PTPRG: variants seen among roughly 807,000 people sequenced by gnomAD.
PTPRG encodes receptor-type tyrosine-protein phosphatase gamma.
Under a neutral mutation model 165.3 loss-of-function variants are expected in PTPRG, and 102 were observed. The ratio of observed to expected loss-of-function variants is 0.62; its 90% CI spans 0.53 to 0.73. The LOEUF is 0.73. PTPRG is among the 30% of genes least tolerant of loss of function. PTPRG has a pLI of 0.00. For synonymous variants in PTPRG, 675 were observed against 669.5 expected (o/e 1.01, Z -0.13); for missense variants, 1,866 against 1,861.4 (o/e 1.00, Z -0.05).
rs183924104 is a variant in PTPRG, at chr3:62,232,910, T to C, written c.2375+1599T>C. ...AGACAGACTTTGGCTCAGGGAGATA[T>C]GTGTTCTAACTGCAGCTCTGCCACT... On this transcript the variant is annotated intron_variant, in intron 14 of 29. Transcript: ENST00000474889. 3.6e-3 allele frequency among the ~76,000 whole-genome samples: 548 copies of C among 152,342 alleles called. 4 individuals carry two copies. The highest frequency in any genetic ancestry group is 0.01 in the South Asian group (50 of 4,826).
intron 4 of PTPRG, among the ~76,000 whole-genome samples, chr3:62,012,025 C>T (rs2041435410): frequency 6.6e-6 from 1 of 152,152 alleles, no homozygotes; most frequent in Non-Finnish European, 1.5e-5. Context: ...CCCTCACAAC[C>T]ATATAGAAGG....
chr3:61,836,337 A>G (rs2036461464), intron 2 of PTPRG, among the ~76,000 whole-genome samples: 1 of 152,110 alleles, frequency 6.6e-6, no homozygotes, highest in Non-Finnish European at 1.5e-5. Context: ...CTGAGTGTGT[A>G]GTACATAGTA....
intron 1 of PTPRG, among the ~76,000 whole-genome samples, chr3:61,703,356 A>C (rs1456562424): frequency 2.6e-5 from 4 of 152,236 alleles, no homozygotes; most frequent in African/African-American, 9.6e-5. Context: ...TTGTAAAGAA[A>C]TCAGTTACAG....
At chr3:61,800,805 A>G (rs542544701) in intron 2 of PTPRG, among the ~76,000 whole-genome samples, 1 of 151,726 alleles carries the variant, frequency 6.6e-6, no homozygotes, top group Admixed American at 6.6e-5. Flanking sequence ...CACCACGCCC[A>G]GCTAATTTTT....
rs71629138 is a variant in PTPRG at position 61,676,456 on chromosome 3, C to CAAAA, written c.86-72407_86-72404dup. Among the ~76,000 whole-genome samples, 26 of 21,872 alleles carry CAAAA rather than the reference C, an allele frequency of 1.2e-3. 4 individuals are homozygous for CAAAA. The highest frequency in any genetic ancestry group is 3.6e-3 in the South Asian group (2 of 552). The allele number at this position is 21,872 out of a possible 152,430, so 14.3% of individuals were successfully genotyped here. ...TGGGCGACAGAGCCAGACTCCATCT[C>CAAAA]AAAAAAAAAAAAAAAAAAGAAAATT... On this transcript the variant is annotated intron_variant, in intron 1 of 29. Coordinates refer to ENST00000474889, the MANE Select transcript of PTPRG (RefSeq NM_002841.4).
chr3:61,570,166 G>A (rs1700023600), intron 1 of PTPRG, among the ~76,000 whole-genome samples: 1 of 152,094 alleles, frequency 6.6e-6, no homozygotes, highest in South Asian at 2.1e-4. Flanking sequence ...TGAACACATT[G>A]ATGTCCTGTC....
chr3:61,857,259 A>C (rs2037135206), intron 2 of PTPRG, among the ~76,000 whole-genome samples: 2 of 152,300 alleles, frequency 1.3e-5, no homozygotes, highest in African/African-American at 4.8e-5. Flanking sequence ...TGACTTGCTC[A>C]AGTTCATACA....
chr3:61,904,007 A>G (rs553810042), intron 2 of PTPRG, among the ~76,000 whole-genome samples: 163 of 152,294 alleles, frequency 1.1e-3, no homozygotes, highest in Non-Finnish European at 2.0e-3. Context: ...ATTGGCAGGA[A>G]GAGATGCTTC....
chr3:61,887,170 A>ATATATATATT lies in PTPRG; in HGVS notation c.191-102454_191-102453insATATATATTT, dbSNP rs60282456. On this transcript the variant is annotated intron_variant, in intron 2 of 29. Transcript: ENST00000474889. ...TATATATATATATATATATATATATATTTTTAATGCCATCATCAAACACTC... is the reference window on the plus strand; with the variant it reads ...TATATATATATATATATATATATATATATATATATTTTTTTAATGCCATCATCAAACACTC... Among the ~76,000 whole-genome samples, 9 of 115,528 alleles carry ATATATATATT rather than the reference A, an allele frequency of 7.8e-5. No homozygotes were observed. In the East Asian group the frequency reaches 9.9e-4, roughly 13 times the overall value. 75.8% of individuals were successfully genotyped at this position (115,528 alleles called of 152,430 possible).
chr3:61,974,646 A>T (rs981077282), intron 2 of PTPRG, among the ~76,000 whole-genome samples: 1 of 152,146 alleles, frequency 6.6e-6, no homozygotes, highest in Non-Finnish European at 1.5e-5. Flanking sequence ...TTGCTTACTC[A>T]CTTAATTTCC....
At chr3:62,092,439 G>GGAAAAAAAAAAAAAAAAAA (rs369183881) in intron 5 of PTPRG, among the ~76,000 whole-genome samples, 2 of 89,430 alleles carry the variant, frequency 2.2e-5, no homozygotes, top group South Asian at 4.0e-4. Flanking sequence ...GAGTCCATCT[G>GGAAAAAAAAAAAAAAAAAA]AAAAAAAAAA....
intron 2 of PTPRG, among the ~76,000 whole-genome samples, chr3:61,760,315 A>G (rs1006114829): frequency 1.3e-5 from 2 of 152,220 alleles, no homozygotes; most frequent in African/African-American, 4.8e-5. Flanking sequence ...GTATAACCAT[A>G]CAGATTGTTT....
At chr3:61,868,305 A>G (rs747272836) in intron 2 of PTPRG, among the ~76,000 whole-genome samples, 2 of 152,166 alleles carry the variant, frequency 1.3e-5, no homozygotes, top group South Asian at 2.1e-4. Context: ...TCTGCTTACA[A>G]TCTTCTCACA....
intron 4 of PTPRG, among the ~76,000 whole-genome samples, chr3:62,052,692 C>T (rs1310614344): frequency 6.6e-6 from 1 of 151,362 alleles, no homozygotes; most frequent in East Asian, 1.9e-4. Flanking sequence ...GAACCTGTCT[C>T]TTAAAAAAAA....
intron 2 of PTPRG, among the ~76,000 whole-genome samples, chr3:61,980,238 C>G (rs2040609085): frequency 6.6e-6 from 1 of 152,138 alleles, no homozygotes; most frequent in Non-Finnish European, 1.5e-5. Flanking sequence ...CAGAATAGTG[C>G]GTGCTCACCT....
chr3:61,803,089 T>C (rs1172250805), intron 2 of PTPRG, among the ~76,000 whole-genome samples: 1 of 152,198 alleles, frequency 6.6e-6, no homozygotes, highest in Non-Finnish European at 1.5e-5. Context: ...TTTAGCACCA[T>C]AGACAGAGCC....
At chr3:61,808,549 C>T (rs1252767473) in intron 2 of PTPRG, among the ~76,000 whole-genome samples, 2 of 152,090 alleles carry the variant, frequency 1.3e-5, no homozygotes, top group Non-Finnish European at 2.9e-5. Context: ...TGAATATAAG[C>T]CATTCAAATT....
chr3:62,247,682 A>ATGC (rs1392009297), intron 15 of PTPRG, among the ~76,000 whole-genome samples: 3 of 152,198 alleles, frequency 2.0e-5, no homozygotes, highest in Non-Finnish European at 4.4e-5. Context: ...GAAACAAGTC[A>ATGC]CAGCCACGTT....
intron 2 of PTPRG, among the ~76,000 whole-genome samples, chr3:61,968,752 A>G (rs1341693549): frequency 1.3e-5 from 2 of 152,110 alleles, no homozygotes; most frequent in Non-Finnish European, 2.9e-5. Context: ...TGTTGGATGG[A>G]GGAGGGGAGG....
Sources: gnomAD v4.1 joint callset for allele counts (sites outside exome capture counted in the v4.1 genomes callset) on GRCh38, gnomAD v4.1.1 for gene constraint, MANE v1.5 for transcripts, NCBI Gene and HGNC (gene_info 2026-07-23, HGNC 2026-07-21) for gene names.